Variants in PPP4R4 observed in about 807,000 individuals in gnomAD.
The protein encoded by PPP4R4 is protein phosphatase 4 regulatory subunit 4, also known as serine/threonine-protein phosphatase 4 regulatory subunit 4.
PPP4R4 carries 70 observed loss-of-function variants against 121.8 expected under a neutral mutation model. The ratio of observed to expected loss-of-function variants is 0.57; its 90% CI spans 0.47 to 0.70. The LOEUF (loss-of-function observed/expected upper bound fraction) is 0.70, where lower values mean the gene tolerates loss of function less well. PPP4R4 is among the 30% of genes least tolerant of loss of function. The pLI is 0.00. For missense variants in PPP4R4, 875 were observed against 1,033.6 expected (o/e 0.85, Z 2.10); for synonymous variants, 348 against 355.7 (o/e 0.98, Z 0.24).
At chr14:94,254,458 C>G (rs1893357926) in intron 16 of PPP4R4, among the ~76,000 whole-genome samples, 2 of 152,110 alleles carry the variant, frequency 1.3e-5, no homozygotes, top group African/African-American at 4.8e-5. Flanking sequence ...TTAGCTGTAT[C>G]CGTGGTGAGC....
At chr14:94,273,969 A>G (rs1894492522) in intron 23 of PPP4R4, among the ~76,000 whole-genome samples, 1 of 152,088 alleles carries the variant, frequency 6.6e-6, no homozygotes, top group Non-Finnish European at 1.5e-5. Context: ...ACATTTTACC[A>G]TTAAGTAATT....
chr14:94,248,939 G>C (rs753429768), intron 14 of PPP4R4, among the ~76,000 whole-genome samples: 29 of 152,092 alleles, frequency 1.9e-4, no homozygotes, highest in Non-Finnish European at 3.4e-4. Context: ...CTCTCTTTTA[G>C]ATAAATGTTA....
At chr14:94,187,500 C>T (rs1889354673) in intron 2 of PPP4R4, among the ~76,000 whole-genome samples, 1 of 152,154 alleles carries the variant, frequency 6.6e-6, no homozygotes, top group African/African-American at 2.4e-5. Context: ...ATATCTTCCA[C>T]CAGTGTCCCC....
At chr14:94,260,733 T>C (rs1353810281) in intron 19 of PPP4R4, among the ~76,000 whole-genome samples, 2 of 152,132 alleles carry the variant, frequency 1.3e-5, no homozygotes, top group Non-Finnish European at 2.9e-5. Flanking sequence ...TTCACAGATA[T>C]ACATATTATG....
chr14:94,224,887 A>G (rs1023131231), intron 3 of PPP4R4, among the ~76,000 whole-genome samples: 1 of 152,230 alleles, frequency 6.6e-6, no homozygotes, highest in African/African-American at 2.4e-5. Flanking sequence ...CACCAAGAAA[A>G]TAAGGAAGCT....
chr14:94,240,624 A>G (rs766710749), intron 8 of PPP4R4, 49 bp from the exon 9 acceptor site: 2 of 1,562,578 alleles, frequency 1.3e-6, no homozygotes, highest in South Asian at 1.2e-5. Flanking sequence ...CACATGTGCA[A>G]TGTGGACGAC....
intron 2 of PPP4R4, among the ~76,000 whole-genome samples, chr14:94,185,339 C>T (rs1390332527): frequency 6.6e-6 from 1 of 152,094 alleles, no homozygotes; most frequent in Non-Finnish European, 1.5e-5. Flanking sequence ...GACCCTGTCT[C>T]TACAAAAAAA....
At chr14:94,251,467 G>A (rs1453474707) in intron 15 of PPP4R4, among the ~76,000 whole-genome samples, 1 of 151,250 alleles carries the variant, frequency 6.6e-6, no homozygotes, top group Non-Finnish European at 1.5e-5. Flanking sequence ...TTAGCACATA[G>A]TGGGTGATAA....
At chr14:94,218,131 A>G (rs1891129715) in intron 3 of PPP4R4, among the ~76,000 whole-genome samples, 1 of 152,224 alleles carries the variant, frequency 6.6e-6, no homozygotes, top group South Asian at 2.1e-4. Flanking sequence ...AAACTGAAAC[A>G]TAGAGATAGA....
intron 3 of PPP4R4, chr14:94,227,286 G>C: frequency 6.2e-7 from 1 of 1,607,292 alleles, no homozygotes; most frequent in Non-Finnish European, 8.5e-7. Flanking sequence ...GTCTTCCAAG[G>C]TCCATGAGGA....
At chr14:94,235,388 CTTTTTTTTTTTTTTTTTTT>C (rs34881107) in intron 7 of PPP4R4, among the ~76,000 whole-genome samples, 1 of 50,812 alleles carries the variant, frequency 2.0e-5, no homozygotes, top group Non-Finnish European at 3.4e-5. Context: ...TCTCCTTGTT[CTTTTTTTTTTTTTTTTTTT>C]TTTTTTTTTT....
intron 2 of PPP4R4, among the ~76,000 whole-genome samples, chr14:94,183,952 A>G (rs1889124033): frequency 6.6e-6 from 1 of 152,048 alleles, no homozygotes; most frequent in African/African-American, 2.4e-5. Flanking sequence ...ATAATGTGTC[A>G]AGTTATGTAA....
chr14:94,265,737 T>C, intron 21 of PPP4R4, 57 bp from the exon 22 acceptor site: 2 of 1,272,860 alleles, frequency 1.6e-6, no homozygotes, highest in Non-Finnish European at 1.1e-6. Context: ...GGAATGGGGG[T>C]TGGAGCAGCC....
At chr14:94,272,404 G>A (rs1566707852) in intron 23 of PPP4R4, among the ~76,000 whole-genome samples, 1 of 152,138 alleles carries the variant, frequency 6.6e-6, no homozygotes, top group East Asian at 1.9e-4. Flanking sequence ...CAATACAATG[G>A]AGAAAAGATA....
intron 19 of PPP4R4, among the ~76,000 whole-genome samples, chr14:94,259,634 C>T (rs530983123): frequency 1.1e-4 from 17 of 152,216 alleles, no homozygotes; most frequent in Admixed American, 3.3e-4. Flanking sequence ...TTTGACATAT[C>T]GATGAAACCA....
intron 14 of PPP4R4, 49 bp from the exon 15 acceptor site, chr14:94,250,123 A>G (rs750815937): frequency 8.0e-7 from 1 of 1,257,556 alleles, no homozygotes; most frequent in Non-Finnish European, 1.2e-6. Flanking sequence ...CAAATTATCT[A>G]GACTAGAATT....
intron 23 of PPP4R4, among the ~76,000 whole-genome samples, chr14:94,271,064 A>C (rs899647722): frequency 6.6e-6 from 1 of 152,218 alleles, no homozygotes; most frequent in Non-Finnish European, 1.5e-5. Flanking sequence ...CATCTAGCCC[A>C]GATGGGTTCA....
chr14:94,202,342 A>G (rs1364722623), intron 2 of PPP4R4, among the ~76,000 whole-genome samples: 1 of 152,230 alleles, frequency 6.6e-6, no homozygotes, highest in East Asian at 1.9e-4. Flanking sequence ...AATGTGTGTA[A>G]GATCTGTTTG....
At chr14:94,232,398 G>T (rs1409068437) in intron 5 of PPP4R4, among the ~76,000 whole-genome samples, 1 of 152,088 alleles carries the variant, frequency 6.6e-6, no homozygotes, top group African/African-American at 2.4e-5. Context: ...AAAATGGGAA[G>T]ATTTTCTAGT....
Sources: gnomAD v4.1 joint callset for allele counts (sites outside exome capture counted in the v4.1 genomes callset) on GRCh38, gnomAD v4.1.1 for gene constraint, MANE v1.5 for transcripts, NCBI Gene and HGNC (gene_info 2026-07-23, HGNC 2026-07-21) for gene names.